The following EPHA1 variants were observed in gnomAD, a reference collection of about 807,000 sequenced individuals.
EPHA1 encodes the protein EPH receptor A1, also known as ephrin type-A receptor 1.
EPHA1 carries 92 observed loss-of-function variants against 110.1 expected under a neutral mutation model. That is an observed-to-expected ratio of 0.84 (90% confidence interval 0.71 to 0.99). The LOEUF (loss-of-function observed/expected upper bound fraction) is 0.99. Ranked by LOEUF, EPHA1 falls within the 50% of genes least tolerant of loss-of-function variation. EPHA1 has a pLI of 0.00. For missense variants in EPHA1, 1,204 were observed against 1,285.4 expected, an observed-to-expected ratio of 0.94 and a Z score of 0.97; for synonymous variants, 500 against 516.1, an observed-to-expected ratio of 0.97 and a Z score of 0.42.
In EPHA1 at chr7:143,395,643, T is replaced by C. The variant is rs999566285; in HGVS notation, c.1898-139A>G. On this transcript the variant is annotated intron_variant, in intron 11 of 17. Coordinates refer to ENST00000275815, the MANE Select transcript of EPHA1 (RefSeq NM_005232.5). The surrounding 1 kb of genome is among the most constrained non-coding windows in gnomAD (Gnocchi z 4.7). ...GGAGTGCCCTTCCTGGGACAGGGCG[T>C]GGGCTGTCCTTCCTGGGGAAGGTCA... 2.3e-6 allele frequency: 2 copies of C among 864,124 alleles called. No homozygotes were observed. Among genetic ancestry groups the C allele is most frequent in the African/African-American group, 3.4e-5 (2 of 58,546 alleles). 53.5% of individuals were successfully genotyped at this position (864,124 alleles called of 1,614,324 possible). A position where few individuals can be genotyped will look rare whatever the true frequency, so the allele number is the denominator to read the frequency against.
At chr7:143,407,729 C>A in intron 1 of EPHA1, 51 bp from the exon 2 acceptor site, 1 of 1,499,096 alleles carries the variant, frequency 6.7e-7, no homozygotes, top group Non-Finnish European at 9.3e-7. Context: ...GGAGGTGCCC[C>A]TGCAGCCCAC....
At position 143,391,325 on chromosome 7, in the gene EPHA1, G is replaced by T; in HGVS notation, c.*132C>A. 9.1e-7 allele frequency: 1 copy of T among 1,096,478 alleles called. No homozygotes were observed. The highest frequency in any genetic ancestry group is 1.3e-6 in the Non-Finnish European group (1 of 757,552). The allele number at this position is 1,096,478 out of a possible 1,614,324, so 67.9% of individuals were successfully genotyped here. A position where few individuals can be genotyped will look rare whatever the true frequency, so the allele number is the denominator to read the frequency against. On this transcript the variant is annotated 3_prime_UTR_variant, in exon 18 of 18. Transcript: ENST00000275815. The stretch of plus-strand genomic sequence containing the variant: ...CTGGGGTGCAGAGCAGGGTTCTCCT[G>T]AAAGTGGGCAGAAGCAGCACCGATA...
chr7:143,399,459 C>T lies in EPHA1; in HGVS notation c.836-46G>A, dbSNP rs193284207. 1.7e-3 allele frequency: 2,620 copies of T among 1,546,460 alleles called. 55 individuals carry two copies. Among genetic ancestry groups the T allele is most frequent in the Non-Finnish European group, 2.8e-4 (320 of 1,146,356 alleles). On this transcript the variant is annotated intron_variant, in intron 4 of 17. Coordinates refer to ENST00000275815, the MANE Select transcript of EPHA1 (RefSeq NM_005232.5). ...AGCAGTGGTTCTGTAAATGTTTTTA[C>T]AGGCAGAACCACCACCACCCCTTCC...
Position 143,395,453 on chromosome 7 carries a change from C to T in EPHA1, c.1949G>A (p.Cys650Tyr), listed in dbSNP as rs373965465. ...RGTLRLPSQD[C>Y]KTVAIKTLKD... ...TAAGGTCTTAATGGCCACAGTCTTG[C>T]AGTCCTGGCTGGGGAGCCTCAGGGT... The change falls in exon 12 of 18, where the codon TGC becomes TAC. Residue 650 changes from cysteine to tyrosine, a missense_variant. By Grantham distance (194) the Cys-to-Tyr change is radical. Coordinates refer to ENST00000275815, the MANE Select transcript of EPHA1 (RefSeq NM_005232.5). The surrounding 1 kb of genome is among the most constrained non-coding windows in gnomAD (Gnocchi z 4.7). 6.2e-7 allele frequency: 1 copy of T among 1,614,236 alleles called. No individual in the cohort carries two copies. The highest frequency in any genetic ancestry group is 8.5e-7 in the Non-Finnish European group (1 of 1,180,048).
At chr7:143,399,046 G>T in intron 5 of EPHA1, 101 bp from the exon 6 acceptor site, 1 of 1,259,270 alleles carries the variant, frequency 7.9e-7, no homozygotes, top group Non-Finnish European at 1.1e-6. Context: ...GTCCTCTGAA[G>T]TCCTCTTGGG....
At position 143,398,719 on chromosome 7, in the gene EPHA1, G is replaced by C; in HGVS notation, c.1218C>G (p.Val406=). The stretch of plus-strand genomic sequence containing the variant: ...AGTTGGCATAAGGTTCAAGGCCATT[G>C]ACATGCACTGCAGGTGTGGTGAGCC... ...ARGLTTPAVH[V]NGLEPYANYT... The change falls in exon 6 of 18, where the codon GTC becomes GTG. Residue 406 remains valine (V), a synonymous_variant. Transcript: ENST00000275815. 1.2e-6 allele frequency: 2 copies of C among 1,614,122 alleles called. No individual in the cohort carries two copies. Among genetic ancestry groups the C allele is most frequent in the South Asian group, 2.2e-5 (2 of 91,084 alleles).
intron 1 of EPHA1, 135 bp from the exon 2 acceptor site, chr7:143,407,813 G>C: frequency 1.4e-6 from 1 of 705,098 alleles, no homozygotes. Flanking sequence ...TGAGGCTTAG[G>C]GGAGAAAAAG....
intron 3 of EPHA1, among the ~76,000 whole-genome samples, chr7:143,400,464 C>A (rs948483784): frequency 9.9e-5 from 15 of 152,152 alleles, no homozygotes; most frequent in African/African-American, 3.6e-4. Flanking sequence ...TTACTAGTAA[C>A]AAATTTTACA....
At chr7:143,396,762 C>T in intron 10 of EPHA1, 2 of 428,826 alleles carry the variant, frequency 4.7e-6, no homozygotes, top group South Asian at 2.9e-5. Context: ...ACCCGCAGAG[C>T]ATATTTGCTG....
intron 3 of EPHA1, 113 bp from the exon 4 acceptor site, chr7:143,400,166 G>C (rs1805380905): frequency 3.1e-6 from 4 of 1,275,314 alleles, no homozygotes; most frequent in Non-Finnish European, 4.3e-6. Context: ...ACTGAGCCTT[G>C]TATGTGTGAG....
At chr7:143,392,744 C>T (rs1371885100) in intron 16 of EPHA1, among the ~76,000 whole-genome samples, 1 of 152,156 alleles carries the variant, frequency 6.6e-6, no homozygotes, top group African/African-American at 2.4e-5. Flanking sequence ...GAGTTCGAGA[C>T]CAGCTTGGCC....
chr7:143,401,340 C>T lies in EPHA1; in HGVS notation c.416G>A (p.Arg139Gln), dbSNP rs770072024. ...SDQDVGIQLR[R>Q]PLFQKVTTVA... ...AAGCAGCACCTTCTGGAACAAGGGCCGTCGGAGCTGAATGCCCACATCCTG... is the reference window on the plus strand; with the variant it reads ...AAGCAGCACCTTCTGGAACAAGGGCTGTCGGAGCTGAATGCCCACATCCTG... Residue 139 changes from arginine to glutamine, a missense_variant, in exon 3 of 18, where the codon CGG (arginine) becomes CAG (glutamine). Coordinates refer to ENST00000275815, the MANE Select transcript of EPHA1 (RefSeq NM_005232.5). The surrounding 1 kb of genome is among the most constrained non-coding windows in gnomAD (Gnocchi z 4.1). 5.0e-6 allele frequency: 8 copies of T among 1,613,812 alleles called. No individual in the cohort carries two copies. Among genetic ancestry groups the T allele is most frequent in the South Asian group, 4.4e-5 (4 of 91,078 alleles).
chr7:143,399,410 C>A lies in EPHA1; in HGVS notation c.839G>T (p.Cys280Phe). ...EGGSGEACVA[C>F]PSGSYRMDMD... ...GTCCATCCGGTAGGAGCCGCTAGGG[C>A]AGGCTGGAGAGAGAACGCAGCAGAG... The change falls in exon 5 of 18, where the codon TGC (cysteine) becomes TTC (phenylalanine). Residue 280 changes from cysteine (C) to phenylalanine (F), a missense_variant. Physicochemically the swap from Cys to Phe is radical, Grantham distance 205. Transcript: ENST00000275815. 6.3e-7 allele frequency: 1 copy of A among 1,583,874 alleles called. No individual in the cohort carries two copies. The highest frequency in any genetic ancestry group is 1.2e-5 in the South Asian group (1 of 86,740).
Position 143,398,014 on chromosome 7 carries a change from C to A in EPHA1, c.1521G>T (p.Gln507His). The A allele has an allele frequency of 1.2e-6, 2 of 1,614,166 alleles. No homozygotes were observed. Among genetic ancestry groups the A allele is most frequent in the Non-Finnish European group, 1.7e-6 (2 of 1,180,018 alleles). The change falls in exon 8 of 18, where the codon CAG becomes CAT. Residue 507 changes from glutamine to histidine, a missense_variant. By Grantham distance (24) the Gln-to-His change is conservative. Coordinates refer to ENST00000275815, the MANE Select transcript of EPHA1 (RefSeq NM_005232.5). ...LEPRVLLTELQPDTTYIVRVR... is the reference protein window; with the variant it reads ...LEPRVLLTELHPDTTYIVRVR... ...CTCTGACGATGTATGTGGTGTCAGG[C>A]TGCAGCTCTGTCAGCAAGACCCTGG...
At chr7:143,398,567 C>T (rs1285681887) in intron 6 of EPHA1, 34 bp downstream of exon 6, 2 of 1,607,548 alleles carry the variant, frequency 1.2e-6, no homozygotes, top group South Asian at 1.1e-5. Context: ...CTGTCTCCAC[C>T]AGGTCCCTGT....
At chr7:143,394,402 T>A in intron 14 of EPHA1, 59 bp from the exon 15 acceptor site, 2 of 1,528,550 alleles carry the variant, frequency 1.3e-6, no homozygotes, top group Admixed American at 4.3e-5. Flanking sequence ...GCACGAGTCT[T>A]TCTGCTTCTT....
chr7:143,398,070 C>T lies in EPHA1; in HGVS notation c.1465G>A (p.Asp489Asn), dbSNP rs749437637. ...LTYELHVLNQ[D>N]EERYQMVLEP... ...AGAACCATCTGGTACCGTTCTTCAT[C>T]CTGTGGGTTGGAGTTGCATTAAGTG... The change falls in exon 8 of 18, where the codon GAT becomes AAT. Residue 489 changes from aspartate to asparagine, a missense_variant and splice_region_variant. Asp to Asn is a conservative substitution (Grantham distance 23). Transcript: ENST00000275815. The T allele has an allele frequency of 2.5e-6, 4 of 1,613,948 alleles. No homozygotes were observed. In the Admixed American group the frequency reaches 6.7e-5, roughly 27 times the overall value.
At chr7:143,402,222 T>C (rs941990663) in intron 2 of EPHA1, among the ~76,000 whole-genome samples, 3 of 152,134 alleles carry the variant, frequency 2.0e-5, no homozygotes, top group Non-Finnish European at 4.4e-5. Context: ...GCCCAAGATT[T>C]ATTTTTAATT....
rs549085590 is a variant in EPHA1 at position 143,399,726 on chromosome 7, C to T, written c.760G>A (p.Glu254Lys). 9.9e-6 allele frequency: 16 copies of T among 1,613,940 alleles called. No individual in the cohort carries two copies. In the Admixed American group the frequency reaches 1.2e-4, roughly 12 times the overall value. Residue 254 changes from glutamate (E) to lysine (K), a missense_variant, in exon 4 of 18, where the codon GAG (glutamate) becomes AAG (lysine). Glu to Lys is a moderately conservative substitution (Grantham distance 56). Transcript: ENST00000275815. ...CACCGTCCTACAGGCACCAGCCACT[C>T]GCCATCAGGGCTGCAGTGCATGCGG... ...APRMHCSPDG[E>K]WLVPVGRCHC...
Sources: allele counts gnomAD v4.1 joint callset (sites outside exome capture counted in the v4.1 genomes callset), GRCh38; gene constraint gnomAD v4.1.1; non-coding constraint Gnocchi (gnomAD v3.1); transcripts MANE v1.5; gene names NCBI Gene and HGNC (gene_info 2026-07-23, HGNC 2026-07-21).